Variants in RSPO3 observed in about 807,000 individuals in gnomAD.
RSPO3 encodes the protein R-spondin-3.
In RSPO3, 17 loss-of-function variants were observed where a neutral mutation model predicts 36.5. The observed-to-expected ratio is 0.47, with a 90% CI of 0.32 to 0.70. The LOEUF (loss-of-function observed/expected upper bound fraction) is 0.70, where lower values mean the gene tolerates loss of function less well. Ranked by LOEUF, RSPO3 falls within the 30% of genes least tolerant of loss-of-function variation. RSPO3 has a pLI of 0.04. For synonymous variants in RSPO3, 108 were observed against 107.0 expected (o/e 1.01, Z -0.06); for missense variants, 294 against 322.5 (o/e 0.91, Z 0.68).
Position 127,197,258 on chromosome 6 carries a change from T to C in RSPO3, c.*1251T>C, listed in dbSNP as rs1005834799. 1.3e-6 allele frequency: 1 copy of C among 787,486 alleles called. No individual in the cohort carries two copies. The highest frequency in any genetic ancestry group is 2.0e-6 in the Non-Finnish European group (1 of 511,610). 48.8% of individuals were successfully genotyped at this position (787,486 alleles called of 1,614,324 possible). The stretch of plus-strand genomic sequence containing the variant: ...ATTAGGAGATATTTATTCCATTTTC[T>C]TATTTTAATCAACATTCTAATTATA... On this transcript the variant is annotated 3_prime_UTR_variant, in exon 5 of 5. Coordinates refer to ENST00000356698, the MANE Select transcript of RSPO3 (RefSeq NM_032784.5).
At position 127,196,521 on chromosome 6, in the gene RSPO3, C is replaced by T. The variant is rs1775519211; in HGVS notation, c.*514C>T. 6.6e-6 allele frequency: 1 copy of T among 152,214 alleles called. No individual in the cohort carries two copies. The highest frequency in any genetic ancestry group is 2.1e-4 in the South Asian group (1 of 4,828). The allele number at this position is 152,214 out of a possible 1,614,324, so 9.4% of individuals were successfully genotyped here. ...TGGCATTTGGAATCACAGGATTTAT[C>T]ATCACAGAAACAACTGTTTTAAGAT... On this transcript the variant is annotated 3_prime_UTR_variant, in exon 5 of 5. Coordinates refer to ENST00000356698, the MANE Select transcript of RSPO3 (RefSeq NM_032784.5).
At chr6:127,130,652 T>A (rs1774032822) in intron 1 of RSPO3, among the ~76,000 whole-genome samples, 1 of 152,050 alleles carries the variant, frequency 6.6e-6, no homozygotes, top group Non-Finnish European at 1.5e-5. Context: ...AATAGAAGAA[T>A]CCTAATTTTG....
At chr6:127,185,215 G>A (rs1775269021) in intron 4 of RSPO3, among the ~76,000 whole-genome samples, 1 of 152,042 alleles carries the variant, frequency 6.6e-6, no homozygotes. Context: ...CTTGATGATT[G>A]TGGAAATGGA....
intron 4 of RSPO3, among the ~76,000 whole-genome samples, chr6:127,170,395 C>T (rs1270947295): frequency 1.3e-5 from 2 of 151,120 alleles, no homozygotes; most frequent in African/African-American, 4.9e-5. Flanking sequence ...TAAAATAGTA[C>T]AGCCAGCCAC....
At chr6:127,182,041 C>A (rs28655154) in intron 4 of RSPO3, among the ~76,000 whole-genome samples, 1 of 151,800 alleles carries the variant, frequency 6.6e-6, no homozygotes, top group Non-Finnish European at 1.5e-5. Context: ...CTGGCACGTG[C>A]AGATCATATG....
At chr6:127,129,417 G>C (rs1774006825) in intron 1 of RSPO3, among the ~76,000 whole-genome samples, 1 of 151,976 alleles carries the variant, frequency 6.6e-6, no homozygotes. Context: ...CTAGTTAAGG[G>C]GGCTCTTTGG....
chr6:127,142,835 T>A (rs1774305006), intron 1 of RSPO3, among the ~76,000 whole-genome samples: 1 of 152,040 alleles, frequency 6.6e-6, no homozygotes. Context: ...TGTTTTTTTT[T>A]AGACAAGGTA....
At chr6:127,127,888 T>C (rs1773969836) in intron 1 of RSPO3, among the ~76,000 whole-genome samples, 1 of 152,080 alleles carries the variant, frequency 6.6e-6, no homozygotes, top group South Asian at 2.1e-4. Flanking sequence ...CTTCTGGTAT[T>C]CAAGTACCCT....
At chr6:127,165,772 A>G (rs894499823) in intron 4 of RSPO3, among the ~76,000 whole-genome samples, 5 of 152,012 alleles carry the variant, frequency 3.3e-5, no homozygotes, top group Non-Finnish European at 7.4e-5. Context: ...GTGAACTAAG[A>G]AAGTATTGAA....
rs565443066 is a variant in RSPO3 at position 127,139,467 on chromosome 6, C to T, written c.98-9181C>T. Among the ~76,000 whole-genome samples, 11 of 151,872 alleles carry T rather than the reference C, an allele frequency of 7.2e-5. No homozygotes were observed. In the East Asian group the frequency reaches 1.2e-3, roughly 16 times the overall value. On this transcript the variant is annotated intron_variant, in intron 1 of 4. Coordinates refer to ENST00000356698, the MANE Select transcript of RSPO3 (RefSeq NM_032784.5). ...AGTTAGTAGTTATGGAGCACTCATG[C>T]GGATTCATTACCATTAAACTGTCAC...
chr6:127,129,950 C>T (rs957125775), intron 1 of RSPO3, among the ~76,000 whole-genome samples: 1 of 152,044 alleles, frequency 6.6e-6, no homozygotes, highest in Non-Finnish European at 1.5e-5. Flanking sequence ...ATTGAAGTAA[C>T]ATTTGGCAAC....
At chr6:127,176,010 A>AT (rs1775049242) in intron 4 of RSPO3, among the ~76,000 whole-genome samples, 1 of 151,806 alleles carries the variant, frequency 6.6e-6, no homozygotes, top group African/African-American at 2.4e-5. Flanking sequence ...TTTGAAAATG[A>AT]TGTGCCTTTG....
Position 127,149,581 on chromosome 6 carries a change from T to C in RSPO3, c.289+742T>C, listed in dbSNP as rs149686296. On this transcript the variant is annotated intron_variant, in intron 2 of 4. Transcript: ENST00000356698. ...GTCACCTTCTCAGAGAGACATTCCA[T>C]GATCATCCTATCCAAAATAATCAGC... 6.0e-3 allele frequency among the ~76,000 whole-genome samples: 909 copies of C among 152,236 alleles called. 4 individuals are homozygous for C. Among genetic ancestry groups the C allele is most frequent in the Middle Eastern group, 0.02 (6 of 294 alleles).
intron 4 of RSPO3, among the ~76,000 whole-genome samples, chr6:127,183,737 T>G (rs1775234751): frequency 6.6e-6 from 1 of 152,016 alleles, no homozygotes; most frequent in Admixed American, 6.6e-5. Flanking sequence ...AATATCGGCC[T>G]TACATGTCTC....
At chr6:127,152,649 T>C (rs1774512694) in intron 3 of RSPO3, among the ~76,000 whole-genome samples, 1 of 152,092 alleles carries the variant, frequency 6.6e-6, no homozygotes. Context: ...AGATTTTAAA[T>C]TGAGAGGAAA....
chr6:127,149,968 C>T (rs541721669), intron 2 of RSPO3, among the ~76,000 whole-genome samples: 1 of 152,100 alleles, frequency 6.6e-6, no homozygotes, highest in East Asian at 1.9e-4. Context: ...ACTCTTACCC[C>T]TCTTGTGCAT....
chr6:127,146,612 T>C (rs1774388968), intron 1 of RSPO3, among the ~76,000 whole-genome samples: 1 of 152,294 alleles, frequency 6.6e-6, no homozygotes, highest in African/African-American at 2.4e-5. Context: ...AGTTTCAGAA[T>C]ACATAAAATT....
chr6:127,190,876 G>A (rs963599198), intron 4 of RSPO3, among the ~76,000 whole-genome samples: 1 of 152,092 alleles, frequency 6.6e-6, no homozygotes, highest in Non-Finnish European at 1.5e-5. Context: ...TAATTTAAGT[G>A]GTTCTCAATA....
chr6:127,178,908 A>C (rs938940136), intron 4 of RSPO3, among the ~76,000 whole-genome samples: 1 of 151,846 alleles, frequency 6.6e-6, no homozygotes, highest in Non-Finnish European at 1.5e-5. Context: ...GGAAGAACTG[A>C]AGCGGTGAAC....
Sources: allele counts gnomAD v4.1 joint callset (sites outside exome capture counted in the v4.1 genomes callset), GRCh38; gene constraint gnomAD v4.1.1; transcripts MANE v1.5; gene names NCBI Gene and HGNC (gene_info 2026-07-23, HGNC 2026-07-21).